Variants in SPTSSB observed in about 807,000 individuals in gnomAD.
The protein encoded by SPTSSB is androgen down regulated in mouse prostate.
SPTSSB carries 6 observed loss-of-function variants against 7.7 expected under a neutral mutation model. That is an observed-to-expected ratio of 0.78 (90% CI 0.43 to 1.54). The LOEUF (loss-of-function observed/expected upper bound fraction) is 1.54, where lower values mean the gene tolerates loss of function less well. SPTSSB is among the 40% of genes most tolerant of loss of function. SPTSSB has a pLI of 0.01. For synonymous variants in SPTSSB, 28 were observed against 29.7 expected, an observed-to-expected ratio of 0.94 and a Z score of 0.19; for missense variants, 91 against 93.0, an observed-to-expected ratio of 0.98 and a Z score of 0.09.
At position 161,344,915 on chromosome 3, in the gene SPTSSB, A is replaced by G. The variant is rs1714138083; in HGVS notation, c.*1178T>C. On this transcript the variant is annotated 3_prime_UTR_variant, in exon 3 of 3. Coordinates refer to ENST00000620149, the MANE Select transcript of SPTSSB (RefSeq NM_001040100.2). ...AACATGCAAGTTAATTTGGCATGCC[A>G]AACATCTTTCTCTCTAGCTCACCTT... 6.6e-6 allele frequency: 1 copy of G among 152,640 alleles called. No homozygotes were observed. Among genetic ancestry groups the G allele is most frequent in the East Asian group, 1.9e-4 (1 of 5,196 alleles). The allele number at this position is 152,640 out of a possible 1,614,324, so 9.5% of individuals were successfully genotyped here.
At chr3:161,363,920 T>G (rs1310004837) in intron 1 of SPTSSB, among the ~76,000 whole-genome samples, 4 of 151,904 alleles carry the variant, frequency 2.6e-5, no homozygotes, top group Non-Finnish European at 5.9e-5. Context: ...TCTACCCCTG[T>G]GCAGTCTATG....
At chr3:161,361,731 C>G (rs1402188266) in intron 1 of SPTSSB, among the ~76,000 whole-genome samples, 2 of 152,142 alleles carry the variant, frequency 1.3e-5, no homozygotes, top group Admixed American at 1.3e-4. Context: ...TTTCTACATG[C>G]ATTTTATTTC....
Position 161,345,963 on chromosome 3 carries a change from A to G in SPTSSB, c.*130T>C. On this transcript the variant is annotated 3_prime_UTR_variant, in exon 3 of 3. Transcript: ENST00000620149. Reference sequence around the variant, plus strand: ...TTCAAACTCCAGGCAGAAAGGCAGAATATAAGAGTGCATAGAGAAGAGAGT... The same window carrying G: ...TTCAAACTCCAGGCAGAAAGGCAGAGTATAAGAGTGCATAGAGAAGAGAGT... 5 of 616,104 alleles carry G rather than the reference A, an allele frequency of 8.1e-6. No homozygotes were observed. Among genetic ancestry groups the G allele is most frequent in the Non-Finnish European group, 1.5e-5 (5 of 344,654 alleles). The allele number at this position is 616,104 out of a possible 1,614,324, so 38.2% of individuals were successfully genotyped here.
chr3:161,351,597 CAGAG>C (rs536721506), intron 2 of SPTSSB, among the ~76,000 whole-genome samples: 13 of 151,034 alleles, frequency 8.6e-5, no homozygotes, highest in Admixed American at 2.0e-4. Flanking sequence ...CATACACACA[CAGAG>C]AGAGAGAGAG....
At chr3:161,358,687 TAG>T (rs1714887542) in intron 2 of SPTSSB, among the ~76,000 whole-genome samples, 1 of 152,152 alleles carries the variant, frequency 6.6e-6, no homozygotes. Context: ...AAACCAGTTT[TAG>T]AGAGGTTATT....
At chr3:161,370,198 C>T (rs1283511784) in intron 1 of SPTSSB, among the ~76,000 whole-genome samples, 2 of 152,182 alleles carry the variant, frequency 1.3e-5, no homozygotes, top group African/African-American at 4.8e-5. Context: ...TGCAAATTTA[C>T]AGTGAATTAA....
chr3:161,366,286 G>A (rs750046726), intron 1 of SPTSSB, among the ~76,000 whole-genome samples: 1 of 152,184 alleles, frequency 6.6e-6, no homozygotes, highest in African/African-American at 2.4e-5. Context: ...AGCAATTTTT[G>A]TTATTATAAT....
intron 2 of SPTSSB, 141 bp from the exon 3 acceptor site, chr3:161,346,496 AAAT>A: frequency 2.1e-6 from 1 of 471,076 alleles, no homozygotes; most frequent in Non-Finnish European, 3.8e-6. Context: ...ATATTCTGTA[AAAT>A]AATACATACT....
chr3:161,370,947 C>G (rs1037165901), intron 1 of SPTSSB, among the ~76,000 whole-genome samples: 1 of 152,186 alleles, frequency 6.6e-6, no homozygotes, highest in East Asian at 1.9e-4. Flanking sequence ...TTAATACTTA[C>G]AAGAGAATGT....
At chr3:161,347,470 C>T (rs954961316) in intron 2 of SPTSSB, among the ~76,000 whole-genome samples, 4 of 151,014 alleles carry the variant, frequency 2.6e-5, no homozygotes, top group Non-Finnish European at 5.9e-5. Flanking sequence ...CCATGTTGGC[C>T]AGGCTGGTCT....
intron 1 of SPTSSB, among the ~76,000 whole-genome samples, chr3:161,360,353 A>C (rs539875064): frequency 6.6e-6 from 1 of 152,194 alleles, no homozygotes; most frequent in Non-Finnish European, 1.5e-5. Context: ...ATCTATAAAA[A>C]ATTTGTCTTT....
intron 1 of SPTSSB, among the ~76,000 whole-genome samples, chr3:161,366,278 C>T (rs1715215145): frequency 2.0e-5 from 3 of 152,186 alleles, no homozygotes; most frequent in Admixed American, 2.0e-4. Context: ...TTTCTTTGAG[C>T]AATTTTTGTT....
chr3:161,362,795 G>A (rs1245897994), intron 1 of SPTSSB, among the ~76,000 whole-genome samples: 5 of 151,974 alleles, frequency 3.3e-5, no homozygotes, highest in African/African-American at 9.6e-5. Context: ...CACTTTCTAC[G>A]GTATCTAATT....
intron 2 of SPTSSB, among the ~76,000 whole-genome samples, chr3:161,352,349 A>G (rs1383766564): frequency 1.3e-5 from 2 of 152,146 alleles, no homozygotes; most frequent in Non-Finnish European, 2.9e-5. Flanking sequence ...ATAAACTCCT[A>G]TTTTAAGCTA....
At chr3:161,359,374 G>A (rs958961875) in intron 2 of SPTSSB, 15 of 152,132 alleles carry the variant, frequency 9.9e-5, no homozygotes, top group Admixed American at 3.9e-4. Flanking sequence ...GAAGGATGTC[G>A]AAACACAAGC....
intron 2 of SPTSSB, among the ~76,000 whole-genome samples, chr3:161,354,828 A>G (rs1714696898): frequency 6.6e-6 from 1 of 152,258 alleles, no homozygotes; most frequent in African/African-American, 2.4e-5. Context: ...AGAGGAATTT[A>G]TGAATGAAAA....
intron 2 of SPTSSB, among the ~76,000 whole-genome samples, chr3:161,357,414 C>G (rs1714815977): frequency 6.6e-6 from 1 of 152,184 alleles, no homozygotes; most frequent in Non-Finnish European, 1.5e-5. Flanking sequence ...AGCCATATGG[C>G]TACCTACATG....
At chr3:161,364,262 G>C (rs1044564578) in intron 1 of SPTSSB, among the ~76,000 whole-genome samples, 1 of 152,116 alleles carries the variant, frequency 6.6e-6, no homozygotes, top group Admixed American at 6.6e-5. Context: ...CAGTGGGCCT[G>C]GGCATGTGTG....
intron 1 of SPTSSB, among the ~76,000 whole-genome samples, chr3:161,365,956 G>T (rs1282588266): frequency 1.3e-5 from 2 of 152,024 alleles, no homozygotes; most frequent in Non-Finnish European, 2.9e-5. Context: ...CTTTTTTTCA[G>T]TTGGTCTGTG....
Sources: gnomAD v4.1 joint callset for allele counts (sites outside exome capture counted in the v4.1 genomes callset) on GRCh38, gnomAD v4.1.1 for gene constraint, MANE v1.5 for transcripts, NCBI Gene and HGNC (gene_info 2026-07-23, HGNC 2026-07-21) for gene names.